Variants in PYGM observed in about 807,000 individuals in gnomAD.
The protein encoded by PYGM is glycogen phosphorylase, muscle associated, also known as glycogen phosphorylase, muscle form.
A neutral mutation model predicts 99.3 loss-of-function variants in PYGM; 81 were observed. The observed-to-expected ratio is 0.82, with a 90% CI of 0.68 to 0.98. The LOEUF is 0.98. Ranked by LOEUF, PYGM falls within the 50% of genes least tolerant of loss-of-function variation. The pLI is 0.00. For missense variants in PYGM, 1,030 were observed against 1,158.1 expected, an observed-to-expected ratio of 0.89 and a Z score of 1.61; for synonymous variants, 436 against 451.5, an observed-to-expected ratio of 0.97 and a Z score of 0.44.
rs768087596 is a variant in PYGM, at chr11:64,755,489, G to A, written c.730C>T (p.Leu244Phe). 1.9e-6 allele frequency: 3 copies of A among 1,614,190 alleles called. No individual in the cohort carries two copies. In the Admixed American group the frequency reaches 5.0e-5, roughly 27 times the overall value. Reference protein sequence around the residue: ...YRNNVVNTMRLWSAKAPNDFN... With the variant: ...YRNNVVNTMRFWSAKAPNDFN... ...TCATTGGGAGCCTTGGCAGACCAGA[G>A]GCGCATGGTGTTGACAACATTGTTG... The change falls in exon 6 of 20, where the codon CTC (leucine) becomes TTC (phenylalanine). Residue 244 changes from leucine (L) to phenylalanine (F), a missense_variant. Leu to Phe is a conservative substitution (Grantham distance 22). Coordinates refer to ENST00000164139, the MANE Select transcript of PYGM (RefSeq NM_005609.4). The surrounding 1 kb of genome is among the most constrained non-coding windows in gnomAD (Gnocchi z 4.1).
chr11:64,747,585 G>A, intron 17 of PYGM: 1 of 578,224 alleles, frequency 1.7e-6, no homozygotes, highest in Admixed American at 2.9e-5. Flanking sequence ...GATACAGAAA[G>A]CTAAGTGTTA....
Position 64,746,956 on chromosome 11 carries a change from T to G in PYGM, c.2344A>C (p.Ile782Leu). 1 of 1,614,178 alleles carries G rather than the reference T, an allele frequency of 6.2e-7. No individual in the cohort carries two copies. The highest frequency in any genetic ancestry group is 8.5e-7 in the Non-Finnish European group (1 of 1,180,032). The change falls in exon 19 of 20, where the codon ATT (isoleucine) becomes CTT (leucine). Residue 782 changes from isoleucine (I) to leucine (L), a missense_variant. Coordinates refer to ENST00000164139, the MANE Select transcript of PYGM (RefSeq NM_005609.4). The stretch of plus-strand genomic sequence containing the variant: ...GCGCTGACTTTCTCCTGGCATTTAA[T>G]GTAGTCTTCATAATCTGCGAAGACT... Reference protein sequence around the residue: ...FKVFADYEDYIKCQEKVSALY... With the variant: ...FKVFADYEDYLKCQEKVSALY...
At chr11:64,751,511 A>G (rs2058356032) in intron 15 of PYGM, 45 bp from the exon 16 acceptor site, 2 of 1,613,714 alleles carry the variant, frequency 1.2e-6, no homozygotes, top group African/African-American at 2.7e-5. Context: ...CTGGCCCCCC[A>G]CCCCCTATCC....
chr11:64,759,524 T>G, intron 1 of PYGM, 132 bp downstream of exon 1: 1 of 1,441,418 alleles, frequency 6.9e-7, no homozygotes, highest in Non-Finnish European at 9.4e-7. Flanking sequence ...CCAGCACCCC[T>G]TGTGCCTGGC....
Position 64,755,565 on chromosome 11 carries a change from G to C in PYGM, c.661-7C>G. On this transcript the variant is annotated splice_region_variant and splice_polypyrimidine_tract_variant and intron_variant, in intron 5 of 19. Coordinates refer to ENST00000164139, the MANE Select transcript of PYGM (RefSeq NM_005609.4). The surrounding 1 kb of genome is among the most constrained non-coding windows in gnomAD (Gnocchi z 4.1). Reference sequence around the variant, plus strand: ...AGGGCATGGCCAGTACCACCTGCGGGGGGCAATCCTGTCAGGAGCTGGCCA... The same window carrying C: ...AGGGCATGGCCAGTACCACCTGCGGCGGGCAATCCTGTCAGGAGCTGGCCA... 1 of 1,611,984 alleles carries C rather than the reference G, an allele frequency of 6.2e-7. No individual in the cohort carries two copies. The highest frequency in any genetic ancestry group is 8.5e-7 in the Non-Finnish European group (1 of 1,178,248).
rs763289422 is a variant in PYGM at position 64,759,702 on chromosome 11, C to A, written c.197G>T (p.Gly66Val). 6.2e-7 allele frequency: 1 copy of A among 1,614,156 alleles called. No individual in the cohort carries two copies. Among genetic ancestry groups the A allele is most frequent in the Admixed American group, 1.7e-5 (1 of 60,024 alleles). ...LAHTVRDHLV[G>V]RWIRTQQHYY... ...GTGCTGCTGCGTGCGGATCCAGCGC[C>A]CCACGAGGTGGTCGCGCACGGTATG... Residue 66 changes from glycine (G) to valine (V), a missense_variant, in exon 1 of 20, where the codon GGG becomes GTG. By Grantham distance (109) the Gly-to-Val change is moderately radical. Transcript: ENST00000164139.
At position 64,746,554 on chromosome 11, in the gene PYGM, G is replaced by C. The variant is rs754078990; in HGVS notation, c.*105C>G. 6.8e-7 allele frequency: 1 copy of C among 1,470,102 alleles called. No individual in the cohort carries two copies. The allele number at this position is 1,470,102 out of a possible 1,614,324, so 91.1% of individuals were successfully genotyped here. A position where few individuals can be genotyped will look rare whatever the true frequency, so the allele number is the denominator to read the frequency against. The stretch of plus-strand genomic sequence containing the variant: ...GGGGAAAATGAGGGTTCCAGGAGGG[G>C]CTTAGAGATCTAACTCCAGTACCCC... On this transcript the variant is annotated 3_prime_UTR_variant, in exon 20 of 20. Transcript: ENST00000164139.
chr11:64,752,018 G>C lies in PYGM; in HGVS notation c.1674C>G (p.Ile558Met). The C allele has an allele frequency of 6.2e-7, 1 of 1,614,076 alleles. No homozygotes were observed. The highest frequency in any genetic ancestry group is 8.5e-7 in the Non-Finnish European group (1 of 1,179,984). ...AYLEREYKVH[I>M]NPNSLFDIQV... ...GGATGTCGAAGAGTGAGTTGGGGTTGATGTGGACTTTGTATTCCCTCTCTA... is the reference window on the plus strand; with the variant it reads ...GGATGTCGAAGAGTGAGTTGGGGTTCATGTGGACTTTGTATTCCCTCTCTA... Residue 558 changes from isoleucine to methionine, a missense_variant, in exon 14 of 20, where the codon ATC becomes ATG. Transcript: ENST00000164139.
In PYGM at chr11:64,752,488, A is replaced by G; in HGVS notation, c.1535T>C (p.Phe512Ser). Residue 512 changes from phenylalanine to serine, a missense_variant, in exon 13 of 20, where the codon TTC (phenylalanine) becomes TCC (serine). By Grantham distance (155) the Phe-to-Ser change is radical (BLOSUM62 -2). Transcript: ENST00000164139. ...EVIAERIGED[F>S]ISDLDQLRKL... ...GCGCAGCTGGTCCAGGTCAGAGATG[A>G]AGTCCTCCCCGATGCGCTATGGGAA... 1 of 1,614,136 alleles carries G rather than the reference A, an allele frequency of 6.2e-7. No homozygotes were observed. Among genetic ancestry groups the G allele is most frequent in the Non-Finnish European group, 8.5e-7 (1 of 1,179,988 alleles).
intron 5 of PYGM, among the ~76,000 whole-genome samples, chr11:64,757,224 T>A (rs1299549794): frequency 6.6e-6 from 1 of 150,848 alleles, no homozygotes; most frequent in Non-Finnish European, 1.5e-5. Flanking sequence ...CCCCAGTCTA[T>A]TTTTTTTATT....
At chr11:64,757,260 G>A (rs550025890) in intron 5 of PYGM, among the ~76,000 whole-genome samples, 4 of 152,078 alleles carry the variant, frequency 2.6e-5, no homozygotes, top group South Asian at 2.1e-4. Context: ...GTCTCTCTAT[G>A]TTGCCCAGGC....
chr11:64,757,817 C>G lies in PYGM; in HGVS notation c.622G>C (p.Glu208Gln). Residue 208 changes from glutamate to glutamine, a missense_variant, in exon 5 of 20, where the codon GAG (glutamate) becomes CAG (glutamine). By Grantham distance (29) the Glu-to-Gln change is conservative. Coordinates refer to ENST00000164139, the MANE Select transcript of PYGM (RefSeq NM_005609.4). ...TLPVHFYGHV[E>Q]HTSQGAKWVD... ...CACTTGGCACCCTGGCTGGTGTGCT[C>G]CACATGGCCGTAGAAGTGCACAGGT... The G allele has an allele frequency of 6.2e-7, 1 of 1,614,186 alleles. No individual in the cohort carries two copies. The highest frequency in any genetic ancestry group is 8.5e-7 in the Non-Finnish European group (1 of 1,180,050).
Position 64,754,608 on chromosome 11 carries a change from T to C in PYGM, c.999+85A>G. The C allele has an allele frequency of 6.5e-7, 1 of 1,537,604 alleles. No homozygotes were observed. The highest frequency in any genetic ancestry group is 8.9e-7 in the Non-Finnish European group (1 of 1,127,292). On this transcript the variant is annotated intron_variant, in intron 8 of 19. Transcript: ENST00000164139. This position sits in a 1 kb window ranked among gnomAD's most constrained non-coding sequence, Gnocchi z 5.5. The stretch of plus-strand genomic sequence containing the variant: ...TCCCAGTCTCCACTCCCTTATCTAT[T>C]ACATGGGGCAGGCAGGCCGAGGCTG...
At position 64,754,285 on chromosome 11, in the gene PYGM, G is replaced by A. The variant is rs560441482; in HGVS notation, c.1060C>T (p.Leu354=). ...SLAIPELMRI[L]VDLERMDWDK... is the part of the protein sequence containing the mutation. ...CAGTCCATCCGTTCCAGGTCCACCA[G>A]GATCCTCATCAGCTCGGGGATGGCC... The change falls in exon 9 of 20, where the codon CTG becomes TTG. Residue 354 remains leucine (L), a synonymous_variant. Transcript: ENST00000164139. The surrounding 1 kb of genome is among the most constrained non-coding windows in gnomAD (Gnocchi z 5.5). The A allele has an allele frequency of 3.1e-6, 5 of 1,613,800 alleles. No individual in the cohort carries two copies. The highest frequency in any genetic ancestry group is 2.2e-5 in the South Asian group (2 of 91,082).
intron 17 of PYGM, among the ~76,000 whole-genome samples, chr11:64,749,314 T>A (rs984635531): frequency 6.6e-6 from 1 of 151,310 alleles, no homozygotes; most frequent in Non-Finnish European, 1.5e-5. Context: ...GCCATTGCAC[T>A]GCGGCCTGGG....
At chr11:64,747,115 G>A in intron 18 of PYGM, 109 bp downstream of exon 18, 2 of 1,573,052 alleles carry the variant, frequency 1.3e-6, no homozygotes, top group Non-Finnish European at 1.7e-6. Context: ...TGCTTCCAAA[G>A]GCGCCTGGCT....
chr11:64,750,544 G>C lies in PYGM; in HGVS notation c.2009C>G (p.Ala670Gly). ...GCCGGTGCCTGAGGCTTCAGTGCCC[G>C]CAGTGGAGATCTGCTCAGAGAGGTC... ...AADLSEQIST[A>G]GTEASGTGNM... Residue 670 changes from alanine (A) to glycine (G), a missense_variant, in exon 17 of 20, where the codon GCG (alanine) becomes GGG (glycine). Coordinates refer to ENST00000164139, the MANE Select transcript of PYGM (RefSeq NM_005609.4). 6.2e-7 allele frequency: 1 copy of C among 1,614,166 alleles called. No individual in the cohort carries two copies. The highest frequency in any genetic ancestry group is 8.5e-7 in the Non-Finnish European group (1 of 1,180,022).
chr11:64,752,501 T>A lies in PYGM; in HGVS notation c.1522A>T (p.Ile508Phe). ...AGGTCAGAGATGAAGTCCTCCCCGA[T>A]GCGCTATGGGAAGACGGCTCTCAGC... ...PGLAEVIAER[I>F]GEDFISDLDQ... The change falls in exon 13 of 20, where the codon ATC (isoleucine) becomes TTC (phenylalanine). Residue 508 changes from isoleucine to phenylalanine, a missense_variant. By Grantham distance (21) the Ile-to-Phe change is conservative (BLOSUM62 0). Transcript: ENST00000164139. 1 of 1,613,710 alleles carries A rather than the reference T, an allele frequency of 6.2e-7. No homozygotes were observed. The highest frequency in any genetic ancestry group is 8.5e-7 in the Non-Finnish European group (1 of 1,179,674).
rs548943016 is a variant in PYGM, at chr11:64,752,400, C to G, written c.1620+3G>C. On this transcript the variant is annotated splice_donor_region_variant and intron_variant, in intron 13 of 19. Transcript: ENST00000164139. ...AGCTGTCCCACATTGCATCTCTCCC[C>G]ACCTGCTTCACTTTGGCCACATCCC... The G allele has an allele frequency of 5.6e-6, 9 of 1,613,418 alleles. No homozygotes were observed. In the South Asian group the frequency reaches 6.6e-5, roughly 12 times the overall value.
Sources: gnomAD v4.1 joint callset for allele counts (sites outside exome capture counted in the v4.1 genomes callset) on GRCh38, gnomAD v4.1.1 for gene constraint, Gnocchi (gnomAD v3.1) non-coding constraint, MANE v1.5 for transcripts, NCBI Gene and HGNC (gene_info 2026-07-23, HGNC 2026-07-21) for gene names.